ALDH3A1: variants seen among roughly 807,000 people sequenced by gnomAD.
ALDH3A1 encodes the protein aldehyde dehydrogenase 3 family member A1.
In ALDH3A1, 46 loss-of-function variants were observed where a neutral mutation model predicts 49.9. The observed-to-expected ratio is 0.92, with a 90% CI of 0.73 to 1.18. ALDH3A1 has a LOEUF of 1.18. ALDH3A1 is among the 50% of genes most tolerant of loss of function. The pLI is 0.00. For missense variants in ALDH3A1, 592 were observed against 611.8 expected (o/e 0.97, Z 0.34); for synonymous variants, 269 against 253.3 (o/e 1.06, Z -0.59).
Position 19,742,480 on chromosome 17 carries a change from C to T in ALDH3A1, c.480+65G>A, listed in dbSNP as rs929179782. 1.9e-5 allele frequency: 30 copies of T among 1,541,400 alleles called. No individual in the cohort carries two copies. The East Asian group carries it at 3.2e-4, about 16-fold the overall frequency. Reference sequence around the variant, plus strand: ...GCAAGAATTCACTATTTCTCACCCCCCAAAGACCTGGCCCTAGCTCAGTTA... The same window carrying T: ...GCAAGAATTCACTATTTCTCACCCCTCAAAGACCTGGCCCTAGCTCAGTTA... On this transcript the variant is annotated intron_variant, in intron 4 of 10. Transcript: ENST00000225740.
chr17:19,743,014 G>A lies in ALDH3A1; in HGVS notation c.394+218C>T. 6.5e-7 allele frequency: 1 copy of A among 1,531,716 alleles called. No individual in the cohort carries two copies. Among genetic ancestry groups the A allele is most frequent in the South Asian group, 1.2e-5 (1 of 83,084 alleles). 94.9% of individuals were successfully genotyped at this position (1,531,716 alleles called of 1,614,324 possible). A position where few individuals can be genotyped will look rare whatever the true frequency, so the allele number is the denominator to read the frequency against. On this transcript the variant is annotated intron_variant, in intron 3 of 10. Coordinates refer to ENST00000225740, the MANE Select transcript of ALDH3A1 (RefSeq NM_000691.5). This position sits in a 1 kb window ranked among gnomAD's most constrained non-coding sequence, Gnocchi z 4.4. ...CCCCAACAGGGGTGGGGGAAGGCAG[G>A]CCCTCTCTGTATCACCAGGTGTGGA...
chr17:19,744,056 CTTG>C (rs1180927421), intron 2 of ALDH3A1: 2 of 985,142 alleles, frequency 2.0e-6, no homozygotes, highest in South Asian at 4.7e-5. Context: ...AATGGGTTTC[CTTG>C]TTGTTTCTGG....
At position 19,741,131 on chromosome 17, in the gene ALDH3A1, G is replaced by C; in HGVS notation, c.769C>G (p.Gln257Glu). Residue 257 changes from glutamine to glutamate, a missense_variant, in exon 6 of 11, where the codon CAG becomes GAG. By Grantham distance (29) the Gln-to-Glu change is conservative. Coordinates refer to ENST00000225740, the MANE Select transcript of ALDH3A1 (RefSeq NM_000691.5). Reference sequence around the variant, plus strand: ...TTGAGCTTCTCCACAATTTGGTTCTGGATCGAGGGGTCACAGAGGATGTAG... The same window carrying C: ...TTGAGCTTCTCCACAATTTGGTTCTCGATCGAGGGGTCACAGAGGATGTAG... The part of the protein sequence containing the change: ...PDYILCDPSI[Q>E]NQIVEKLKKS... The C allele has an allele frequency of 6.2e-7, 1 of 1,614,144 alleles. No individual in the cohort carries two copies. Among genetic ancestry groups the C allele is most frequent in the Non-Finnish European group, 8.5e-7 (1 of 1,179,974 alleles).
At position 19,743,003 on chromosome 17, in the gene ALDH3A1, G is replaced by A. The variant is rs1422302193; in HGVS notation, c.394+229C>T. On this transcript the variant is annotated intron_variant, in intron 3 of 10. Coordinates refer to ENST00000225740, the MANE Select transcript of ALDH3A1 (RefSeq NM_000691.5). This position sits in a 1 kb window ranked among gnomAD's most constrained non-coding sequence, Gnocchi z 4.4. ...AAGCTCCAGCCCCCCAACAGGGGTG[G>A]GGGAAGGCAGGCCCTCTCTGTATCA... 1 of 1,531,302 alleles carries A rather than the reference G, an allele frequency of 6.5e-7. No individual in the cohort carries two copies. Among genetic ancestry groups the A allele is most frequent in the Non-Finnish European group, 8.7e-7 (1 of 1,144,496 alleles). 94.9% of individuals were successfully genotyped at this position (1,531,302 alleles called of 1,614,324 possible).
chr17:19,738,051 G>A lies in ALDH3A1; in HGVS notation c.*170C>T. ...GAAAGGGGTGGAGACTTGGAATGGTGAGGCCTGGGCCCATGTGGGAGTGGG... is the reference window on the plus strand; with the variant it reads ...GAAAGGGGTGGAGACTTGGAATGGTAAGGCCTGGGCCCATGTGGGAGTGGG... On this transcript the variant is annotated 3_prime_UTR_variant, in exon 11 of 11. Transcript: ENST00000225740. 1 of 1,535,676 alleles carries A rather than the reference G, an allele frequency of 6.5e-7. No individual in the cohort carries two copies. Among genetic ancestry groups the A allele is most frequent in the Non-Finnish European group, 8.7e-7 (1 of 1,144,206 alleles).
rs145505711 is a variant in ALDH3A1, at chr17:19,741,208, C to T, written c.692G>A (p.Arg231His). 2.5e-4 allele frequency: 403 copies of T among 1,613,114 alleles called. No individual in the cohort carries two copies. The highest frequency in any genetic ancestry group is 3.1e-4 in the Non-Finnish European group (369 of 1,179,426). Residue 231 changes from arginine to histidine, a missense_variant and splice_region_variant, in exon 6 of 11, where the codon CGC becomes CAC. Physicochemically the swap from Arg to His is conservative, Grantham distance 29 (BLOSUM62 0). Transcript: ENST00000225740. ...KNCDLDVACRRIAWGKFMNSG... is the reference protein window; with the variant it reads ...KNCDLDVACRHIAWGKFMNSG... ...GTTCATGAATTTCCCCCAGGCGATG[C>T]GTCTGTGAGAATCCCAGACTGGACT...
chr17:19,738,344 T>G lies in ALDH3A1; in HGVS notation c.1326A>C (p.Arg442Ser). 1 of 1,613,512 alleles carries G rather than the reference T, an allele frequency of 6.2e-7. No homozygotes were observed. Among genetic ancestry groups the G allele is most frequent in the Non-Finnish European group, 8.5e-7 (1 of 1,179,484 alleles). The change falls in exon 10 of 11, where the codon AGA (arginine) becomes AGC (serine). Residue 442 changes from arginine to serine, a missense_variant. Physicochemically the swap from Arg to Ser is moderately radical, Grantham distance 110. Transcript: ENST00000225740. ...TCACCTTGGCCGGGCTCGGGGGGTA[T>G]CTGACCTTCAGGCCTTCATCATTCA... is the stretch of plus-strand genomic sequence containing the variant. ...PLMNDEGLKVRYPPSPAKMTQ... is the reference protein window; with the variant it reads ...PLMNDEGLKVSYPPSPAKMTQ...
intron 1 of ALDH3A1, chr17:19,745,358 C>CCTAAG: frequency 2.0e-6 from 1 of 510,834 alleles, no homozygotes; most frequent in Non-Finnish European, 3.4e-6. Flanking sequence ...CCCGCCGCAA[C>CCTAAG]CCGAGTCCTA....
In ALDH3A1 at chr17:19,739,031, T is replaced by C. The variant is rs1013318026; in HGVS notation, c.1181A>G (p.His394Arg). 3.7e-6 allele frequency: 6 copies of C among 1,613,818 alleles called. No homozygotes were observed. The highest frequency in any genetic ancestry group is 1.3e-5 in the African/African-American group (1 of 74,898). The change falls in exon 9 of 11, where the codon CAC (histidine) becomes CGC (arginine). Residue 394 changes from histidine to arginine, a missense_variant. Physicochemically the swap from His to Arg is conservative, Grantham distance 29. Transcript: ENST00000225740. ...GAAGGGCAGAGAGTGCAAGGTGATG[T>C]GGACGATGACATCGTTGGCCGCCAC... is the stretch of plus-strand genomic sequence containing the variant. ...GGVAANDVIV[H>R]ITLHSLPFGG... is the part of the protein sequence containing the mutation.
chr17:19,740,617 T>C, intron 6 of ALDH3A1, 140 bp from the exon 7 acceptor site: 1 of 985,042 alleles, frequency 1.0e-6, no homozygotes, highest in Admixed American at 2.5e-5. Context: ...TGCTTTTTAA[T>C]CTTTTCTAAA....
chr17:19,746,496 G>T (rs1020988204), intron 1 of ALDH3A1, among the ~76,000 whole-genome samples: 4 of 151,818 alleles, frequency 2.6e-5, no homozygotes, highest in African/African-American at 9.7e-5. Flanking sequence ...TGAAGGCCTC[G>T]GGTAAGTAAT....
chr17:19,747,632 G>A (rs1308846100), intron 1 of ALDH3A1, among the ~76,000 whole-genome samples: 3 of 152,014 alleles, frequency 2.0e-5, no homozygotes, highest in Non-Finnish European at 4.4e-5. Context: ...ACACCATCAC[G>A]TCGCAGCTGC....
chr17:19,743,899 G>A lies in ALDH3A1; in HGVS notation c.163-436C>T. ...GGGAGCCAGGCCCTTTAGTTGTCTGGAGGGGGATGCAGGACCAAGGGCTGC... is the reference window on the plus strand; with the variant it reads ...GGGAGCCAGGCCCTTTAGTTGTCTGAAGGGGGATGCAGGACCAAGGGCTGC... On this transcript the variant is annotated intron_variant, in intron 2 of 10. Transcript: ENST00000225740. The surrounding 1 kb of genome is among the most constrained non-coding windows in gnomAD (Gnocchi z 4.4). 1 of 985,278 alleles carries A rather than the reference G, an allele frequency of 1.0e-6. No homozygotes were observed. The highest frequency in any genetic ancestry group is 1.7e-5 in the African/African-American group (1 of 57,302). The allele number at this position is 985,278 out of a possible 1,614,324, so 61.0% of individuals were successfully genotyped here.
chr17:19,745,283 C>T, intron 1 of ALDH3A1, 149 bp from the exon 2 acceptor site: 2 of 803,756 alleles, frequency 2.5e-6, no homozygotes, highest in Non-Finnish European at 3.6e-6. Flanking sequence ...TGCCTCGCCT[C>T]CTCTCCCGCC....
chr17:19,746,737 G>A (rs911403055), intron 1 of ALDH3A1, among the ~76,000 whole-genome samples: 2 of 151,610 alleles, frequency 1.3e-5, no homozygotes, highest in Non-Finnish European at 2.9e-5. Flanking sequence ...GCGCGTGTGC[G>A]TGTGTGTGTG....
chr17:19,744,919 C>CCCCCA, intron 2 of ALDH3A1, 49 bp downstream of exon 2: 8 of 1,385,320 alleles, frequency 5.8e-6, no homozygotes, highest in African/African-American at 1.5e-5. Flanking sequence ...CCCCACGCCC[C>CCCCCA]ATCGCATGGC....
Position 19,742,614 on chromosome 17 carries a change from G to A in ALDH3A1, c.411C>T (p.Leu137=), listed in dbSNP as rs541642700. 3.5e-5 allele frequency: 56 copies of A among 1,614,028 alleles called. No individual in the cohort carries two copies. In the South Asian group the frequency reaches 5.2e-4, roughly 15 times the overall value. Residue 137 remains leucine, a synonymous_variant, in exon 4 of 11, where the codon CTC becomes CTT. Coordinates refer to ENST00000225740, the MANE Select transcript of ALDH3A1 (RefSeq NM_000691.5). ...TGTTCTCACTCAGCTCCGAGGGCTTGAGGACCACTGAGTTCCCTGCAGAGC... is the reference window on the plus strand; with the variant it reads ...TGTTCTCACTCAGCTCCGAGGGCTTAAGGACCACTGAGTTCCCTGCAGAGC... ...GAIAAGNSVV[L]KPSELSENMA... is the part of the protein sequence containing the mutation.
chr17:19,743,980 CG>C lies in ALDH3A1; in HGVS notation c.163-518del. On this transcript the variant is annotated intron_variant, in intron 2 of 10. Coordinates refer to ENST00000225740, the MANE Select transcript of ALDH3A1 (RefSeq NM_000691.5). This position sits in a 1 kb window ranked among gnomAD's most constrained non-coding sequence, Gnocchi z 4.4. ...GGGTGAGAAGAGGAGATGCAGACGG[CG>C]GAAAACGCGTCTCTTTTATAAACTT... 1 of 985,248 alleles carries C rather than the reference CG, an allele frequency of 1.0e-6. No individual in the cohort carries two copies. Among genetic ancestry groups the C allele is most frequent in the Non-Finnish European group, 1.2e-6 (1 of 829,880 alleles). The allele number at this position is 985,248 out of a possible 1,614,324, so 61.0% of individuals were successfully genotyped here. A position where few individuals can be genotyped will look rare whatever the true frequency, so the allele number is the denominator to read the frequency against.
rs2086544697 is a variant in ALDH3A1, at chr17:19,743,641, G to T, written c.163-178C>A. 2 of 1,410,832 alleles carry T rather than the reference G, an allele frequency of 1.4e-6. No individual in the cohort carries two copies. Among genetic ancestry groups the T allele is most frequent in the African/African-American group, 2.9e-5 (2 of 68,868 alleles). 87.4% of individuals were successfully genotyped at this position (1,410,832 alleles called of 1,614,324 possible). A position where few individuals can be genotyped will look rare whatever the true frequency, so the allele number is the denominator to read the frequency against. On this transcript the variant is annotated intron_variant, in intron 2 of 10. Transcript: ENST00000225740. The surrounding 1 kb of genome is among the most constrained non-coding windows in gnomAD (Gnocchi z 4.4). Reference sequence around the variant, plus strand: ...AGCCAGGATTAGCCGTTGGACCTGTGGGTCTGAGAGGACCCCTTTCTGCCA... The same window carrying T: ...AGCCAGGATTAGCCGTTGGACCTGTTGGTCTGAGAGGACCCCTTTCTGCCA...
Sources: gnomAD v4.1 joint callset for allele counts (sites outside exome capture counted in the v4.1 genomes callset) on GRCh38, gnomAD v4.1.1 for gene constraint, Gnocchi (gnomAD v3.1) non-coding constraint, MANE v1.5 for transcripts, NCBI Gene and HGNC (gene_info 2026-07-23, HGNC 2026-07-21) for gene names.